The following ARHGAP24 variants were observed in gnomAD, a reference collection of about 807,000 sequenced individuals.
ARHGAP24 encodes Rho GTPase activating protein 24.
ARHGAP24 carries 50 observed loss-of-function variants against 76.4 expected under a neutral mutation model. The ratio of observed to expected loss-of-function variants is 0.65; its 90% CI spans 0.52 to 0.83. ARHGAP24 has a LOEUF of 0.83. Among genes scored for constraint, ARHGAP24 ranks in the 40% least tolerant of loss-of-function variants. The pLI, the probability that ARHGAP24 is intolerant of heterozygous loss-of-function variation, is 0.00. For synonymous variants in ARHGAP24, 345 were observed against 323.3 expected (o/e 1.07, Z -0.72); for missense variants, 930 against 914.2 (o/e 1.02, Z -0.22).
intron 8 of ARHGAP24, among the ~76,000 whole-genome samples, chr4:85,979,764 C>T (rs7688039): frequency 0.3 from 45,377 of 152,012 alleles, 7,535 homozygotes; most frequent in African/African-American, 0.45. Context: ...TACTTACCAG[C>T]TTTTAAAGCA....
intron 1 of ARHGAP24, among the ~76,000 whole-genome samples, chr4:85,491,799 A>C (rs946183297): frequency 3.3e-5 from 5 of 152,196 alleles, no homozygotes; most frequent in Non-Finnish European, 7.3e-5. Flanking sequence ...ATTAGCCTCA[A>C]GTTGAACTCC....
At chr4:85,544,897 C>A (rs1275981702) in intron 1 of ARHGAP24, among the ~76,000 whole-genome samples, 1 of 151,700 alleles carries the variant, frequency 6.6e-6, no homozygotes, top group Non-Finnish European at 1.5e-5. Flanking sequence ...CAGTCCAGTT[C>A]TCTTGAAAGT....
chr4:85,923,954 A>G (rs1199032495), intron 4 of ARHGAP24, among the ~76,000 whole-genome samples, 184 bp downstream of exon 4: 1 of 152,220 alleles, frequency 6.6e-6, no homozygotes. Flanking sequence ...AATTTAGATC[A>G]TGTATAATTA....
intron 3 of ARHGAP24, among the ~76,000 whole-genome samples, chr4:85,735,236 G>T (rs1442596269): frequency 6.6e-6 from 1 of 152,036 alleles, no homozygotes; most frequent in Admixed American, 6.5e-5. Context: ...ATGAACATAC[G>T]ATCATGCTAT....
chr4:85,793,360 T>C (rs977914894), intron 3 of ARHGAP24, among the ~76,000 whole-genome samples: 52 of 152,298 alleles, frequency 3.4e-4, no homozygotes, highest in African/African-American at 1.1e-3. Flanking sequence ...TCTTAAAAGA[T>C]TTTTTCTTAG....
intron 3 of ARHGAP24, among the ~76,000 whole-genome samples, chr4:85,746,163 A>G (rs1390798910): frequency 6.6e-6 from 1 of 152,242 alleles, no homozygotes; most frequent in African/African-American, 2.4e-5. Context: ...CCCAAGTGGG[A>G]AAGAAAGGGC....
chr4:85,649,963 G>C (rs1721873044), intron 2 of ARHGAP24, among the ~76,000 whole-genome samples: 1 of 152,038 alleles, frequency 6.6e-6, no homozygotes, highest in Non-Finnish European at 1.5e-5. Context: ...TAGTCATAAG[G>C]TCATACGGGT....
chr4:85,547,393 A>G (rs1469203105), intron 1 of ARHGAP24, among the ~76,000 whole-genome samples: 2 of 152,152 alleles, frequency 1.3e-5, no homozygotes, highest in Non-Finnish European at 2.9e-5. Flanking sequence ...TTCTCAGCAC[A>G]TGATTTCAGG....
chr4:85,564,924 G>GTATATATATATATATA (rs3028011), intron 1 of ARHGAP24, among the ~76,000 whole-genome samples: 5 of 53,258 alleles, frequency 9.4e-5, no homozygotes, highest in Non-Finnish European at 2.0e-4. Flanking sequence ...AACACACACG[G>GTATATATATATATATA]TATATATATA....
At chr4:85,522,849 G>GC (rs1215190837) in intron 1 of ARHGAP24, among the ~76,000 whole-genome samples, 1 of 152,094 alleles carries the variant, frequency 6.6e-6, no homozygotes, top group African/African-American at 2.4e-5. Flanking sequence ...AACATGATTT[G>GC]CCCCCACTTC....
intron 2 of ARHGAP24, among the ~76,000 whole-genome samples, chr4:85,616,112 A>G (rs1195082116): frequency 6.6e-6 from 1 of 152,250 alleles, no homozygotes; most frequent in Non-Finnish European, 1.5e-5. Flanking sequence ...TCATGGGAAG[A>G]GAAACCTTTA....
chr4:85,834,671 G>A (rs1306752376), intron 3 of ARHGAP24, among the ~76,000 whole-genome samples: 2 of 152,212 alleles, frequency 1.3e-5, no homozygotes, highest in African/African-American at 4.8e-5. Context: ...GTCAAAGGGT[G>A]AACAGAGAGC....
chr4:85,880,385 T>G (rs1733177462), intron 3 of ARHGAP24, among the ~76,000 whole-genome samples: 1 of 152,210 alleles, frequency 6.6e-6, no homozygotes, highest in Admixed American at 6.5e-5. Context: ...AGTAAGCATC[T>G]GGGTGTCACT....
Position 85,806,524 on chromosome 4 carries a change from G to A in ARHGAP24, c.268+84552G>A, listed in dbSNP as rs138980839. ...TTTAGAAAGCAGTCTGCACATGCTA[G>A]AAGAACATGACACCCTCCCATGGGT... On this transcript the variant is annotated intron_variant, in intron 3 of 9. Transcript: ENST00000395184. Among the ~76,000 whole-genome samples, 271 of 152,270 alleles carry A rather than the reference G, an allele frequency of 1.8e-3. 2 individuals are homozygous for A. Among genetic ancestry groups the A allele is most frequent in the Non-Finnish European group, 2.7e-3 (181 of 68,010 alleles).
chr4:85,894,724 C>A (rs1312604369), intron 3 of ARHGAP24, among the ~76,000 whole-genome samples: 1 of 151,816 alleles, frequency 6.6e-6, no homozygotes, highest in Non-Finnish European at 1.5e-5. Flanking sequence ...TTTTGGGAGA[C>A]CGAGGTGGGT....
intron 3 of ARHGAP24, among the ~76,000 whole-genome samples, chr4:85,824,872 C>T (rs547223233): frequency 3.9e-5 from 6 of 152,116 alleles, no homozygotes; most frequent in Non-Finnish European, 8.8e-5. Context: ...GTTGGATCAC[C>T]TCAGGTCAGG....
chr4:85,806,782 G>A (rs542409125), intron 3 of ARHGAP24, among the ~76,000 whole-genome samples: 9 of 152,194 alleles, frequency 5.9e-5, no homozygotes, highest in East Asian at 5.8e-4. Flanking sequence ...AATGTAACTC[G>A]GAAATTAGGT....
chr4:85,840,883 T>C (rs1474082689), intron 3 of ARHGAP24, among the ~76,000 whole-genome samples: 1 of 152,218 alleles, frequency 6.6e-6, no homozygotes, highest in African/African-American at 2.4e-5. Flanking sequence ...TACTAATTTA[T>C]CAGACGTGAA....
intron 3 of ARHGAP24, among the ~76,000 whole-genome samples, chr4:85,738,282 T>C (rs904362321): frequency 2.0e-4 from 31 of 152,110 alleles, no homozygotes; most frequent in African/African-American, 7.5e-4. Flanking sequence ...ATATTGACTA[T>C]CTTTTCATGT....
Sources: allele counts gnomAD v4.1 joint callset (sites outside exome capture counted in the v4.1 genomes callset), GRCh38; gene constraint gnomAD v4.1.1; transcripts MANE v1.5; gene names NCBI Gene and HGNC (gene_info 2026-07-23, HGNC 2026-07-21).